The following ATP6V1B2 variants were observed in gnomAD, a reference collection of about 807,000 sequenced individuals.
The protein encoded by ATP6V1B2 is ATPase H+ transporting V1 subunit B2.
Under a neutral mutation model 66.7 loss-of-function variants are expected in ATP6V1B2, and 23 were observed. The ratio of observed to expected loss-of-function variants is 0.34; its 90% CI spans 0.25 to 0.49. The LOEUF is 0.49. Ranked by LOEUF, ATP6V1B2 falls within the 20% of genes least tolerant of loss-of-function variation. The probability of loss-of-function intolerance (pLI) is 0.99; values close to 1 mark genes in which losing one functional copy is unlikely to be tolerated. For missense variants in ATP6V1B2, 478 were observed against 650.8 expected (o/e 0.73, Z 2.89); for synonymous variants, 278 against 236.7 (o/e 1.17, Z -1.60).
chr8:20,210,381 A>G lies in ATP6V1B2; in HGVS notation c.327A>G (p.Lys109=). 1.2e-6 allele frequency: 2 copies of G among 1,613,574 alleles called. No homozygotes were observed. The highest frequency in any genetic ancestry group is 1.7e-6 in the Non-Finnish European group (2 of 1,179,678). ...GGACTTCAGGTATAGATGCTAAGAA[A>G]ACGTCCTGTGAGTTTACTGGGGATA... ...FEGTSGIDAK[K]TSCEFTGDIL... Residue 109 remains lysine, a synonymous_variant, in exon 4 of 14, where the codon AAA becomes AAG. Transcript: ENST00000276390.
chr8:20,205,340 A>T (rs1392437960), intron 2 of ATP6V1B2, among the ~76,000 whole-genome samples: 1 of 152,346 alleles, frequency 6.6e-6, no homozygotes, highest in South Asian at 2.1e-4. Context: ...CCCAGTACAG[A>T]AAATATAATG....
chr8:20,208,518 A>C (rs912557848), intron 2 of ATP6V1B2, among the ~76,000 whole-genome samples: 2 of 152,180 alleles, frequency 1.3e-5, no homozygotes, highest in Non-Finnish European at 2.9e-5. Context: ...TATCAGGTCA[A>C]GTGAAAAACA....
intron 13 of ATP6V1B2, among the ~76,000 whole-genome samples, chr8:20,218,536 C>T (rs1307837073): frequency 6.6e-6 from 1 of 152,102 alleles, no homozygotes; most frequent in Non-Finnish European, 1.5e-5. Flanking sequence ...CTTCTGAATC[C>T]TCCTTCCCAG....
At position 20,211,672 on chromosome 8, in the gene ATP6V1B2, C is replaced by G; in HGVS notation, c.624C>G (p.Arg208=). The part of the protein sequence containing the change: ...PHNEIAAQIC[R]QAGLVKKSKD... The stretch of plus-strand genomic sequence containing the variant: ...ATCAGATTGCAGCTCAGATCTGTCG[C>G]CAGGCTGGTTTGGTAAAGAAATCCA... The change falls in exon 7 of 14, where the codon CGC becomes CGG. Residue 208 remains arginine (R), a synonymous_variant. Transcript: ENST00000276390. 3 of 1,611,398 alleles carry G rather than the reference C, an allele frequency of 1.9e-6. No individual in the cohort carries two copies. The highest frequency in any genetic ancestry group is 2.5e-6 in the Non-Finnish European group (3 of 1,179,392).
chr8:20,213,462 A>G (rs1209981790), intron 9 of ATP6V1B2: 1 of 157,536 alleles, frequency 6.3e-6, no homozygotes, highest in Non-Finnish European at 1.4e-5. Context: ...CAGCCTGGGT[A>G]ACATAGCAAG....
chr8:20,217,162 A>G (rs879668229), intron 11 of ATP6V1B2, 58 bp from the exon 12 acceptor site: 26 of 1,377,354 alleles, frequency 1.9e-5, no homozygotes, highest in Admixed American at 1.5e-4. Context: ...TTTTATTACC[A>G]GTAAAACTTG....
rs1271774478 is a variant in ATP6V1B2, at chr8:20,205,210, A to G, written c.192+671A>G. On this transcript the variant is annotated intron_variant, in intron 2 of 13. Coordinates refer to ENST00000276390, the MANE Select transcript of ATP6V1B2 (RefSeq NM_001693.4). ...TTTCTTTATATTTTAATTGTTTTCT[A>G]TATTCTTTGTGAAATAAACTTTTGG... Among the ~76,000 whole-genome samples, 4 of 152,126 alleles carry G rather than the reference A, an allele frequency of 2.6e-5. No homozygotes were observed. The East Asian group carries it at 7.7e-4, about 29-fold the overall frequency.
At chr8:20,217,956 A>G (rs547864046) in intron 12 of ATP6V1B2, among the ~76,000 whole-genome samples, 197 bp from the exon 13 acceptor site, 17 of 152,308 alleles carry the variant, frequency 1.1e-4, no homozygotes, top group African/African-American at 4.1e-4. Flanking sequence ...TGTCTTGTGT[A>G]TTGTATGCCT....
chr8:20,215,113 T>A (rs1008211490), intron 10 of ATP6V1B2, 145 bp downstream of exon 10: 1 of 938,494 alleles, frequency 1.1e-6, no homozygotes, highest in African/African-American at 1.7e-5. Flanking sequence ...CATTTTTCAT[T>A]TGAAAATTAC....
chr8:20,210,671 T>C (rs1352315654), intron 5 of ATP6V1B2, 25 bp downstream of exon 5: 1 of 1,595,582 alleles, frequency 6.3e-7, no homozygotes, highest in Non-Finnish European at 8.6e-7. Flanking sequence ...TGGATTGCTG[T>C]GTTTGGGAGA....
At chr8:20,201,517 T>C (rs2072687323) in intron 1 of ATP6V1B2, among the ~76,000 whole-genome samples, 1 of 152,092 alleles carries the variant, frequency 6.6e-6, no homozygotes, top group East Asian at 1.9e-4. Context: ...AAATTGTCTT[T>C]TTGTCCCCAC....
intron 13 of ATP6V1B2, among the ~76,000 whole-genome samples, chr8:20,219,912 C>T (rs532988519): frequency 6.6e-6 from 1 of 152,294 alleles, no homozygotes; most frequent in Non-Finnish European, 1.5e-5. Flanking sequence ...TTGTGTGAAC[C>T]TTCTGTGCTA....
chr8:20,204,364 T>G, intron 1 of ATP6V1B2, 120 bp from the exon 2 acceptor site: 1 of 797,676 alleles, frequency 1.3e-6, no homozygotes, highest in Non-Finnish European at 2.0e-6. Flanking sequence ...TTGTAGCTAT[T>G]TGAGTGTACC....
In ATP6V1B2 at chr8:20,204,508, A is replaced by T; in HGVS notation, c.161A>T (p.Asn54Ile). 1.9e-6 allele frequency: 3 copies of T among 1,613,090 alleles called. No individual in the cohort carries two copies. The highest frequency in any genetic ancestry group is 1.7e-4 in the Middle Eastern group (1 of 6,012). Reference sequence around the variant, plus strand: ...GCATACAAGACAGTATCTGGAGTCAATGGTCCACTAGTGATCTTAGATCAT... The same window carrying T: ...GCATACAAGACAGTATCTGGAGTCATTGGTCCACTAGTGATCTTAGATCAT... ...RLTYKTVSGVNGPLVILDHVK... is the reference protein window; with the variant it reads ...RLTYKTVSGVIGPLVILDHVK... Residue 54 changes from asparagine to isoleucine, a missense_variant, in exon 2 of 14, where the codon AAT (asparagine) becomes ATT (isoleucine). Asn to Ile is a moderately radical substitution (Grantham distance 149). Around this residue, in one of 2 missense-constraint regions of ATP6V1B2, gnomAD observed 152 missense variants for 105.2 expected, o/e 1.44. Coordinates refer to ENST00000276390, the MANE Select transcript of ATP6V1B2 (RefSeq NM_001693.4).
intron 12 of ATP6V1B2, 150 bp downstream of exon 12, chr8:20,217,474 A>G: frequency 1.5e-6 from 1 of 679,448 alleles, no homozygotes; most frequent in Non-Finnish European, 2.5e-6. Flanking sequence ...ATCATTCATT[A>G]GAACCAAAGC....
intron 1 of ATP6V1B2, among the ~76,000 whole-genome samples, chr8:20,202,467 G>A (rs1475967940): frequency 6.6e-6 from 1 of 152,222 alleles, no homozygotes. Flanking sequence ...CAATTAACTT[G>A]CAAGGTTACT....
At chr8:20,209,702 T>C (rs1330098449) in intron 3 of ATP6V1B2, among the ~76,000 whole-genome samples, 171 bp downstream of exon 3, 1 of 152,178 alleles carries the variant, frequency 6.6e-6, no homozygotes, top group Non-Finnish European at 1.5e-5. Context: ...CAGTGTCACT[T>C]AGTCCGATAG....
chr8:20,213,027 A>T (rs2072811442), intron 9 of ATP6V1B2, 122 bp downstream of exon 9: 8 of 1,321,374 alleles, frequency 6.1e-6, no homozygotes, highest in Non-Finnish European at 7.3e-6. Flanking sequence ...TATTAATAGA[A>T]TGCCTTAATA....
At chr8:20,217,126 G>C (rs938482898) in intron 11 of ATP6V1B2, 94 bp from the exon 12 acceptor site, 13 of 1,037,342 alleles carry the variant, frequency 1.3e-5, no homozygotes, top group Non-Finnish European at 1.9e-5. Flanking sequence ...TTTGATTTAA[G>C]TTGTAATAAT....
Sources: allele counts gnomAD v4.1 joint callset (sites outside exome capture counted in the v4.1 genomes callset), GRCh38; gene constraint gnomAD v4.1.1; regional missense constraint gnomAD v4.1.1; transcripts MANE v1.5; gene names NCBI Gene and HGNC (gene_info 2026-07-23, HGNC 2026-07-21).